Variants in DDX60 observed in about 807,000 individuals in gnomAD.
The protein encoded by DDX60 is probable ATP-dependent RNA helicase DDX60.
A neutral mutation model predicts 212.8 loss-of-function variants in DDX60; 165 were observed. That is an observed-to-expected ratio of 0.78 (90% CI 0.68 to 0.88). The LOEUF (loss-of-function observed/expected upper bound fraction) is 0.88. Ranked by LOEUF, DDX60 falls within the 40% of genes least tolerant of loss-of-function variation. The pLI is 0.00. For missense variants in DDX60, 1,905 were observed against 2,003.9 expected (o/e 0.95, Z 0.94); for synonymous variants, 703 against 685.3 (o/e 1.03, Z -0.40).
At chr4:168,225,774 C>G (rs1296730654) in intron 33 of DDX60, 98 bp from the exon 34 acceptor site, 9 of 1,026,184 alleles carry the variant, frequency 8.8e-6, no homozygotes, top group Non-Finnish European at 1.3e-5. Flanking sequence ...CAATATAATT[C>G]TATAGTTATC....
chr4:168,265,674 A>G (rs754041636), intron 22 of DDX60: 4 of 152,144 alleles, frequency 2.6e-5, no homozygotes, highest in Non-Finnish European at 4.4e-5. Flanking sequence ...ACTCCAAACC[A>G]CTATATTCAT....
rs779175454 is a variant in DDX60, at chr4:168,267,594, T to C, written c.3027A>G (p.Leu1009=). 1.3e-6 allele frequency: 2 copies of C among 1,571,646 alleles called. No individual in the cohort carries two copies. The highest frequency in any genetic ancestry group is 3.5e-5 in the Admixed American group (2 of 57,030). The change falls in exon 22 of 38, where the codon CTA becomes CTG. Residue 1009 remains leucine (L), a synonymous_variant. Coordinates refer to ENST00000393743, the MANE Select transcript of DDX60 (RefSeq NM_017631.6). ...AAATATTACCTACATGATCTGTTGT[T>C]AGTGCAGCACATGGGTGAAAATGAT... ...HFDHFHPCAA[L]TTDHIERYGF...
At chr4:168,291,651 T>C in intron 8 of DDX60, 97 bp downstream of exon 8, 1 of 1,163,672 alleles carries the variant, frequency 8.6e-7, no homozygotes, top group South Asian at 1.9e-5. Flanking sequence ...CCCAAGGGGC[T>C]AATAGTAGTC....
intron 6 of DDX60, among the ~76,000 whole-genome samples, chr4:168,298,640 T>C (rs183655253): frequency 6.6e-6 from 1 of 152,124 alleles, no homozygotes; most frequent in East Asian, 1.9e-4. Context: ...AACTCACCTA[T>C]AGTAACAAAT....
chr4:168,261,126 T>A, intron 24 of DDX60, 137 bp from the exon 25 acceptor site: 1 of 938,004 alleles, frequency 1.1e-6, no homozygotes, highest in Non-Finnish European at 1.6e-6. Context: ...AAGTACATTA[T>A]AAAACGAGGC....
intron 37 of DDX60, 36 bp downstream of exon 37, chr4:168,220,619 A>G: frequency 8.6e-7 from 1 of 1,165,690 alleles, no homozygotes; most frequent in South Asian, 1.6e-5. Context: ...TAAATTATTA[A>G]AAAATCTAAA....
At chr4:168,275,540 T>TC in intron 15 of DDX60, 37 bp from the exon 16 acceptor site, 1 of 1,515,292 alleles carries the variant, frequency 6.6e-7, no homozygotes, top group Non-Finnish European at 9.0e-7. Context: ...AAAATGACAT[T>TC]GAATTAGAAT....
chr4:168,291,707 T>C (rs1736111563), intron 8 of DDX60, 41 bp downstream of exon 8: 3 of 1,480,272 alleles, frequency 2.0e-6, no homozygotes, highest in South Asian at 2.9e-5. Context: ...TATCAAACAT[T>C]CAAAACACAA....
chr4:168,303,410 A>G (rs965729027), intron 5 of DDX60, among the ~76,000 whole-genome samples: 3 of 152,194 alleles, frequency 2.0e-5, no homozygotes, highest in Non-Finnish European at 2.9e-5. Flanking sequence ...AATTAATAAC[A>G]GTACTTCCTT....
intron 10 of DDX60, among the ~76,000 whole-genome samples, chr4:168,286,578 T>C (rs1163288934): frequency 6.6e-6 from 1 of 152,120 alleles, no homozygotes; most frequent in Non-Finnish European, 1.5e-5. Flanking sequence ...GTGCTCCCTG[T>C]GCCTGCGTTT....
intron 22 of DDX60, among the ~76,000 whole-genome samples, chr4:168,265,870 GGGAAGGGAAGGGAA>G: frequency 6.8e-6 from 1 of 147,400 alleles, no homozygotes; most frequent in Non-Finnish European, 1.5e-5. Context: ...GGGAAGGGAA[GGGAAGGGAAGGGAA>G]GGGAAGGGAA....
Position 168,267,602 on chromosome 4 carries a change from C to T in DDX60, c.3019G>A (p.Ala1007Thr). Residue 1007 changes from alanine (A) to threonine (T), a missense_variant, in exon 22 of 38, where the codon GCT (alanine) becomes ACT (threonine). Transcript: ENST00000393743. ...CCTACATGATCTGTTGTTAGTGCAG[C>T]ACATGGGTGAAAATGATCAAAATGA... The part of the protein sequence containing the change: ...DIHFDHFHPC[A>T]ALTTDHIERY... 6.3e-7 allele frequency: 1 copy of T among 1,594,332 alleles called. No individual in the cohort carries two copies. The highest frequency in any genetic ancestry group is 8.6e-7 in the Non-Finnish European group (1 of 1,169,382).
rs1231816170 is a variant in DDX60 at position 168,252,536 on chromosome 4, A to G, written c.3678T>C (p.Tyr1226=). 1.9e-6 allele frequency: 3 copies of G among 1,614,010 alleles called. No homozygotes were observed. The highest frequency in any genetic ancestry group is 1.7e-6 in the Non-Finnish European group (2 of 1,179,954). The change falls in exon 27 of 38, where the codon TAT becomes TAC. Residue 1226 remains tyrosine (Y), a synonymous_variant. Coordinates refer to ENST00000393743, the MANE Select transcript of DDX60 (RefSeq NM_017631.6). ...CAGTGTCCACTGCTTTTTGATCAGC[A>G]TATGTGCAGTCCTGTGGGATTTCCA... ...KNLEIPQDCT[Y]ADQKAVDTET...
chr4:168,260,186 A>C (rs1734569271), intron 25 of DDX60, among the ~76,000 whole-genome samples: 1 of 152,082 alleles, frequency 6.6e-6, no homozygotes, highest in Non-Finnish European at 1.5e-5. Context: ...ACACATGTAT[A>C]CATGTGCCAT....
At chr4:168,238,835 T>C (rs914908800) in intron 30 of DDX60, among the ~76,000 whole-genome samples, 12 of 152,110 alleles carry the variant, frequency 7.9e-5, no homozygotes, top group Non-Finnish European at 1.8e-4. Flanking sequence ...CAATGTGTAA[T>C]AAGACTAGCA....
intron 28 of DDX60, among the ~76,000 whole-genome samples, chr4:168,250,746 G>A (rs1734191485): frequency 6.6e-6 from 1 of 151,586 alleles, no homozygotes; most frequent in African/African-American, 2.4e-5. Flanking sequence ...GGCTGGTCTC[G>A]AACTTCTGAC....
In DDX60 at chr4:168,283,566, C is replaced by CT; in HGVS notation, c.1601dup (p.Tyr535ValfsTer26). The stretch of plus-strand genomic sequence containing the variant: ...CATAAAACCGTTGGAAAACATGATA[C>CT]TTTTGCACAGATCTAAGAACACGAG... On this transcript the variant is annotated frameshift_variant, in exon 13 of 38. Transcript: ENST00000393743. LOFTEE classifies it high-confidence loss of function. 6.2e-7 allele frequency: 1 copy of CT among 1,613,286 alleles called. No homozygotes were observed.
At chr4:168,322,057 C>T (rs751927659), upstream of DDX60, among the ~76,000 whole-genome samples, 18 of 152,148 alleles carry the variant, frequency 1.2e-4, no homozygotes, top group Non-Finnish European at 2.2e-4. Context: ...GCCCATTAGC[C>T]TAAATCTGAT....
chr4:168,264,121 T>C (rs1734739730), intron 22 of DDX60, among the ~76,000 whole-genome samples: 1 of 152,180 alleles, frequency 6.6e-6, no homozygotes, highest in South Asian at 2.1e-4. Flanking sequence ...TTTGGTAGAA[T>C]GGAAAGTACA....
Sources: gnomAD v4.1 joint callset for allele counts (sites outside exome capture counted in the v4.1 genomes callset) on GRCh38, gnomAD v4.1.1 for gene constraint, MANE v1.5 for transcripts, NCBI Gene and HGNC (gene_info 2026-07-23, HGNC 2026-07-21) for gene names.